The following TENM2 variants were observed in gnomAD, a reference collection of about 807,000 sequenced individuals.
TENM2 encodes teneurin transmembrane protein 2, also known as teneurin-2.
Under a neutral mutation model 245.2 loss-of-function variants are expected in TENM2, and 52 were observed. The ratio of observed to expected loss-of-function variants is 0.21; its 90% confidence interval spans 0.17 to 0.27. TENM2 has a LOEUF of 0.27. Among genes scored for constraint, TENM2 ranks in the 10% least tolerant of loss-of-function variants. The pLI, the probability that TENM2 is intolerant of heterozygous loss-of-function variation, is 1.00. For missense variants in TENM2, 3,046 were observed against 3,666.8 expected (o/e 0.83, Z 4.37); for synonymous variants, 1,363 against 1,438.9 (o/e 0.95, Z 1.19).
At chr5:168,037,982 A>C (rs573366830) in intron 5 of TENM2, among the ~76,000 whole-genome samples, 20 of 152,336 alleles carry the variant, frequency 1.3e-4, no homozygotes, top group African/African-American at 4.8e-4. Flanking sequence ...CAGGCAAATG[A>C]GAGAATAATA....
At chr5:168,194,777 C>G (rs1214779861) in intron 14 of TENM2, among the ~76,000 whole-genome samples, 1 of 152,042 alleles carries the variant, frequency 6.6e-6, no homozygotes, top group Admixed American at 6.5e-5. Flanking sequence ...AGTAACATGG[C>G]CATCCTCCAA....
intron 1 of TENM2, among the ~76,000 whole-genome samples, chr5:167,327,199 C>T (rs548713726): frequency 2.2e-3 from 341 of 152,210 alleles, no homozygotes; most frequent in African/African-American, 7.5e-3. Context: ...CAACAGGCCC[C>T]GGTGTGTGAT....
intron 2 of TENM2, among the ~76,000 whole-genome samples, chr5:167,380,028 A>G (rs1761003798): frequency 1.3e-5 from 2 of 151,916 alleles, no homozygotes; most frequent in African/African-American, 4.8e-5. Context: ...CTGTACATTT[A>G]AAAGAATACC....
intron 2 of TENM2, among the ~76,000 whole-genome samples, chr5:167,689,576 G>A (rs187957930): frequency 6.6e-6 from 1 of 152,268 alleles, no homozygotes; most frequent in East Asian, 1.9e-4. Flanking sequence ...TCTTTTTAAA[G>A]AAGAAAATAC....
intron 5 of TENM2, among the ~76,000 whole-genome samples, chr5:168,019,676 G>A (rs1380782195): frequency 6.6e-6 from 1 of 152,246 alleles, no homozygotes; most frequent in Non-Finnish European, 1.5e-5. Flanking sequence ...ATAATCAGCT[G>A]CAATTTCAGT....
At chr5:167,184,683 C>T in the TENM2 span, among the ~76,000 whole-genome samples, 34 of 152,250 alleles carry the variant, frequency 2.2e-4, no homozygotes, top group African/African-American at 7.7e-4. Flanking sequence ...AGAAAGTCAA[C>T]TCATTTCTCC....
At chr5:167,010,568 A>G in the TENM2 span, among the ~76,000 whole-genome samples, 1 of 152,198 alleles carries the variant, frequency 6.6e-6, no homozygotes, top group Non-Finnish European at 1.5e-5. Context: ...AAAACTGTAT[A>G]AAGATATCCT....
the TENM2 span, among the ~76,000 whole-genome samples, chr5:167,128,774 T>C: frequency 2.0e-5 from 3 of 152,210 alleles, no homozygotes; most frequent in Admixed American, 6.5e-5. Flanking sequence ...GCCCATCTAA[T>C]GACCTGGACG....
chr5:168,126,256 C>T (rs975914115), intron 11 of TENM2, among the ~76,000 whole-genome samples: 6 of 152,176 alleles, frequency 3.9e-5, no homozygotes, highest in African/African-American at 1.4e-4. Flanking sequence ...TGTGCTTGGT[C>T]AGTTCAGGCT....
intron 2 of TENM2, among the ~76,000 whole-genome samples, chr5:167,711,278 A>G (rs1758888805): frequency 6.6e-6 from 1 of 152,248 alleles, no homozygotes; most frequent in South Asian, 2.1e-4. Flanking sequence ...ACTTCCGGGA[A>G]TATGGGAGAA....
the TENM2 span, among the ~76,000 whole-genome samples, chr5:167,186,635 C>T: frequency 3.3e-5 from 5 of 152,174 alleles, no homozygotes; most frequent in African/African-American, 4.8e-5. Context: ...TAAAAAAGCA[C>T]GTGGGTCTTC....
At chr5:167,184,600 A>G in the TENM2 span, among the ~76,000 whole-genome samples, 1,106 of 152,222 alleles carry the variant, frequency 7.3e-3, 8 homozygotes, top group Non-Finnish European at 0.013. Context: ...CCTTATGTGT[A>G]TATATTCTAA....
chr5:167,492,031 G>A (rs991359483), intron 2 of TENM2, among the ~76,000 whole-genome samples: 1 of 152,106 alleles, frequency 6.6e-6, no homozygotes, highest in Non-Finnish European at 1.5e-5. Context: ...TGCATTATTA[G>A]TATTTTAAAG....
At chr5:167,359,013 G>T (rs567041699) in intron 1 of TENM2, among the ~76,000 whole-genome samples, 1 of 151,994 alleles carries the variant, frequency 6.6e-6, no homozygotes, top group Non-Finnish European at 1.5e-5. Context: ...CTTTCCATCC[G>T]GACGGGCTGT....
the TENM2 span, among the ~76,000 whole-genome samples, chr5:166,997,628 G>A: frequency 1.3e-5 from 2 of 152,170 alleles, no homozygotes; most frequent in African/African-American, 2.4e-5. Flanking sequence ...AAGAAAGTTA[G>A]ATCAGGTATT....
intron 14 of TENM2, among the ~76,000 whole-genome samples, chr5:168,194,387 G>A (rs1324483067): frequency 2.6e-5 from 4 of 152,132 alleles, no homozygotes; most frequent in African/African-American, 7.2e-5. Context: ...GTTGGAAACC[G>A]GGATTTGTGG....
chr5:167,686,283 C>T (rs1423583539), intron 2 of TENM2, among the ~76,000 whole-genome samples: 3 of 152,196 alleles, frequency 2.0e-5, no homozygotes, highest in Admixed American at 1.3e-4. Context: ...GAGCCTATGA[C>T]TTTTCCTATC....
chr5:168,214,996 C>A (rs755132341), intron 20 of TENM2, 44 bp from the exon 23 acceptor site: 1 of 1,549,180 alleles, frequency 6.5e-7, no homozygotes, highest in South Asian at 1.1e-5. Flanking sequence ...GAGGCCAGCT[C>A]CATAGCCCCC....
chr5:167,850,782 G>T (rs1770505120), intron 2 of TENM2, among the ~76,000 whole-genome samples: 1 of 152,118 alleles, frequency 6.6e-6, no homozygotes, highest in South Asian at 2.1e-4. Context: ...AAGAAACCTG[G>T]ACCCTCAACC....
Sources: allele counts gnomAD v4.1 joint callset (sites outside exome capture counted in the v4.1 genomes callset), GRCh38; gene constraint gnomAD v4.1.1; transcripts MANE v1.5; gene names NCBI Gene and HGNC (gene_info 2026-07-23, HGNC 2026-07-21).